The following PDC variants were observed in gnomAD, a reference collection of about 807,000 sequenced individuals.
PDC encodes the protein phosducin, also known as 33 kDa phototransducing protein.
A neutral mutation model predicts 22.2 loss-of-function variants in PDC; 19 were observed. The observed-to-expected ratio is 0.86, with a 90% CI of 0.60 to 1.26. The LOEUF is 1.26. PDC is among the 50% of genes most tolerant of loss of function. The probability of loss-of-function intolerance (pLI) is 0.00; values close to 1 mark genes in which losing one functional copy is unlikely to be tolerated. For missense variants in PDC, 274 were observed against 286.8 expected (o/e 0.96, Z 0.32); for synonymous variants, 97 against 96.2 (o/e 1.01, Z -0.05).
intron 1 of PDC, among the ~76,000 whole-genome samples, chr1:186,450,131 A>G (rs1458024304): frequency 2.0e-5 from 3 of 152,148 alleles, no homozygotes; most frequent in Non-Finnish European, 2.9e-5. Context: ...TAATCATTAC[A>G]CTATTATGGA....
At chr1:186,456,534 A>G (rs1039115416) in intron 1 of PDC, among the ~76,000 whole-genome samples, 1 of 152,252 alleles carries the variant, frequency 6.6e-6, no homozygotes, top group Non-Finnish European at 1.5e-5. Flanking sequence ...TACCTATAGC[A>G]TACCTGACAT....
chr1:186,448,808 T>A (rs930963894), intron 2 of PDC: 2 of 202,468 alleles, frequency 9.9e-6, no homozygotes, highest in African/African-American at 4.7e-5. Flanking sequence ...GAAATTACCA[T>A]TCAAATAAGA....
At chr1:186,447,691 T>G (rs1170185206) in intron 2 of PDC, among the ~76,000 whole-genome samples, 1 of 152,064 alleles carries the variant, frequency 6.6e-6, no homozygotes, top group Non-Finnish European at 1.5e-5. Context: ...TATTGCCTAA[T>G]AATTTTTGTT....
At chr1:186,455,564 G>T (rs990870492) in intron 1 of PDC, among the ~76,000 whole-genome samples, 29 of 151,942 alleles carry the variant, frequency 1.9e-4, no homozygotes, top group African/African-American at 7.0e-4. Context: ...TTAGGGAAAT[G>T]AGGCATACCT....
At chr1:186,447,436 A>G (rs1382434486) in intron 2 of PDC, among the ~76,000 whole-genome samples, 3 of 152,228 alleles carry the variant, frequency 2.0e-5, no homozygotes, top group African/African-American at 7.2e-5. Flanking sequence ...AGTGTGAGCC[A>G]CTGTGCCCGG....
intron 3 of PDC, among the ~76,000 whole-genome samples, chr1:186,445,827 T>C (rs999223562): frequency 1.3e-5 from 2 of 152,212 alleles, no homozygotes; most frequent in African/African-American, 4.8e-5. Context: ...AATAATATTG[T>C]CCCAATTTAG....
At chr1:186,459,933 C>A (rs1410869780) in intron 1 of PDC, among the ~76,000 whole-genome samples, 6 of 147,368 alleles carry the variant, frequency 4.1e-5, no homozygotes, top group Non-Finnish European at 7.5e-5. Context: ...AAAAAAAAAA[C>A]CAATTGAAAG....
chr1:186,458,887 C>T (rs1215154865), intron 1 of PDC, among the ~76,000 whole-genome samples: 3 of 152,126 alleles, frequency 2.0e-5, no homozygotes, highest in Non-Finnish European at 4.4e-5. Flanking sequence ...AGAGGCTGCG[C>T]GCGGTGGCTC....
At chr1:186,450,564 C>G (rs1415711749) in intron 1 of PDC, among the ~76,000 whole-genome samples, 1 of 151,852 alleles carries the variant, frequency 6.6e-6, no homozygotes, top group East Asian at 1.9e-4. Context: ...AACTTCTGGC[C>G]TCAAGTGATC....
chr1:186,454,982 C>A (rs557928285), intron 1 of PDC, among the ~76,000 whole-genome samples: 7 of 152,276 alleles, frequency 4.6e-5, no homozygotes, highest in African/African-American at 1.7e-4. Flanking sequence ...AAAACTAACA[C>A]TTCATTCTCT....
At chr1:186,446,944 A>G (rs931629452) in intron 2 of PDC, among the ~76,000 whole-genome samples, 1 of 152,318 alleles carries the variant, frequency 6.6e-6, no homozygotes, top group Admixed American at 6.5e-5. Flanking sequence ...AACTTCAGCA[A>G]CAAACTAAAA....
At chr1:186,447,534 G>A (rs1571721190) in intron 2 of PDC, among the ~76,000 whole-genome samples, 1 of 152,036 alleles carries the variant, frequency 6.6e-6, no homozygotes, top group East Asian at 1.9e-4. Flanking sequence ...GACTAACAAC[G>A]TTATTCATTT....
chr1:186,445,007 GTAT>G (rs1662192933), intron 3 of PDC, among the ~76,000 whole-genome samples: 1 of 152,022 alleles, frequency 6.6e-6, no homozygotes, highest in Admixed American at 6.6e-5. Flanking sequence ...GCCCTCCAGG[GTAT>G]TATTATTCAC....
chr1:186,451,674 G>T (rs915465592), intron 1 of PDC: 3 of 152,130 alleles, frequency 2.0e-5, no homozygotes, highest in African/African-American at 7.2e-5. Flanking sequence ...ATTGCTTGTT[G>T]TTTACCTAGT....
chr1:186,451,519 G>A (rs1215145371), intron 1 of PDC: 1 of 152,072 alleles, frequency 6.6e-6, no homozygotes. Context: ...GAAAAATAGA[G>A]ACTCAATCCA....
chr1:186,455,433 A>G (rs1662437009), intron 1 of PDC, among the ~76,000 whole-genome samples: 2 of 152,190 alleles, frequency 1.3e-5, no homozygotes, highest in Non-Finnish European at 2.9e-5. Context: ...TTTGCAAAGA[A>G]TGACTTTACA....
chr1:186,444,520 A>G lies in PDC; in HGVS notation c.214-14T>C. 6.6e-7 allele frequency: 1 copy of G among 1,507,858 alleles called. No homozygotes were observed. The highest frequency in any genetic ancestry group is 1.4e-5 in the African/African-American group (1 of 72,336). 93.4% of individuals were successfully genotyped at this position (1,507,858 alleles called of 1,614,324 possible). The stretch of plus-strand genomic sequence containing the variant: ...TTGAATGCTCATCTGAGAATAAAGA[A>G]ATGATAGAAATTATTAAGTCAGAAG... On this transcript the variant is annotated splice_polypyrimidine_tract_variant and intron_variant, in intron 3 of 3. Transcript: ENST00000391997.
rs767646372 is a variant in PDC, at chr1:186,444,027, C to T, written c.693G>A (p.Glu231=). ...LNEYGLLPER[E]VHVLEHTKIE... The stretch of plus-strand genomic sequence containing the variant: ...TTTTGGTATGCTCTAGGACATGTAC[C>T]TCTCTTTCAGGTAGTAACCCATATT... Residue 231 remains glutamate (E), a synonymous_variant, in exon 4 of 4, where the codon GAG becomes GAA. Transcript: ENST00000391997. 5 of 1,612,534 alleles carry T rather than the reference C, an allele frequency of 3.1e-6. No individual in the cohort carries two copies. In the East Asian group the frequency reaches 1.1e-4, roughly 36 times the overall value.
chr1:186,454,004 A>G (rs776646594), intron 1 of PDC, among the ~76,000 whole-genome samples: 1 of 152,144 alleles, frequency 6.6e-6, no homozygotes, highest in East Asian at 1.9e-4. Context: ...ATTTTTTTGT[A>G]TATGCATTAA....
Sources: allele counts gnomAD v4.1 joint callset (sites outside exome capture counted in the v4.1 genomes callset), GRCh38; gene constraint gnomAD v4.1.1; transcripts MANE v1.5; gene names NCBI Gene and HGNC (gene_info 2026-07-23, HGNC 2026-07-21).